Variants in ZNF254 observed in about 807,000 individuals in gnomAD.
ZNF254 encodes zinc finger protein 254, also known as CTD-2017D11.1.
A neutral mutation model predicts 12.4 loss-of-function variants in ZNF254; 10 were observed. That is an observed-to-expected ratio of 0.80 (90% confidence interval 0.50 to 1.36). The LOEUF is 1.36. Among genes scored for constraint, ZNF254 ranks in the 40% most tolerant of loss-of-function variants. ZNF254 has a pLI of 0.00. For missense variants in ZNF254, 996 were observed against 763.9 expected, an observed-to-expected ratio of 1.30 and a Z score of -3.58; for synonymous variants, 305 against 253.4, an observed-to-expected ratio of 1.20 and a Z score of -1.93.
chr19:24,065,383 A>G (rs1245583934), intron 2 of ZNF254: 1 of 152,204 alleles, frequency 6.6e-6, no homozygotes, highest in African/African-American at 2.4e-5. Flanking sequence ...TTGCTGGTGC[A>G]TGCTGTCAGG....
chr19:24,091,881 A>ATT (rs111787297), intron 1 of ZNF254: 937 of 823,084 alleles, frequency 1.1e-3, no homozygotes, highest in Non-Finnish European at 1.3e-3. Flanking sequence ...TATGTGATTA[A>ATT]TTTTTTTTTT....
intron 1 of ZNF254, chr19:24,105,534 T>A (rs1973286256): frequency 4.5e-6 from 1 of 221,794 alleles, no homozygotes. Context: ...TCCAGTTTAT[T>A]GTACACGTTA....
intron 2 of ZNF254, among the ~76,000 whole-genome samples, chr19:24,057,969 T>G (rs1433535959): frequency 1.3e-5 from 2 of 152,214 alleles, no homozygotes; most frequent in Non-Finnish European, 2.9e-5. Flanking sequence ...AGCTGAGTAT[T>G]GTGATCTTCA....
chr19:24,127,054 T>A lies in ZNF254; in HGVS notation c.1054T>A (p.Cys352Ser), dbSNP rs1487822487. The A allele has an allele frequency of 8.1e-6, 13 of 1,613,510 alleles. No individual in the cohort carries two copies. The highest frequency in any genetic ancestry group is 9.3e-6 in the Non-Finnish European group (11 of 1,179,788). ...GCACACTGGAGAGAAACCCTACAAA[T>A]GTGAAGAATGTGGCAAAGCTTTTAG... ...RMHTGEKPYK[C>S]EECGKAFSQS... The change falls in exon 4 of 4, where the codon TGT becomes AGT. Residue 352 changes from cysteine to serine, a missense_variant. Transcript: ENST00000357002.
chr19:24,072,894 C>T (rs1488484733), intron 2 of ZNF254, among the ~76,000 whole-genome samples: 3 of 152,178 alleles, frequency 2.0e-5, no homozygotes, highest in Non-Finnish European at 4.4e-5. Context: ...TGATGTTACT[C>T]TCCTGTTTTC....
At chr19:24,071,001 C>T (rs375538435) in intron 2 of ZNF254, among the ~76,000 whole-genome samples, 15 of 152,110 alleles carry the variant, frequency 9.9e-5, no homozygotes, top group African/African-American at 1.7e-4. Context: ...TTTCTGAACC[C>T]GTCATCTATT....
At chr19:24,039,839 C>G (rs1389205205) in intron 1 of ZNF254, among the ~76,000 whole-genome samples, 1 of 152,166 alleles carries the variant, frequency 6.6e-6, no homozygotes, top group African/African-American at 2.4e-5. Flanking sequence ...TCTGATGTCA[C>G]CACCTGAAGG....
At chr19:24,121,723 A>T (rs1789348299) in intron 3 of ZNF254, among the ~76,000 whole-genome samples, 1 of 151,910 alleles carries the variant, frequency 6.6e-6, no homozygotes, top group Admixed American at 6.6e-5. Context: ...AAGCCTGGAT[A>T]ATTATTGTAT....
At chr19:24,119,750 C>A (rs1472788582) in intron 3 of ZNF254, among the ~76,000 whole-genome samples, 2 of 152,014 alleles carry the variant, frequency 1.3e-5, no homozygotes, top group Non-Finnish European at 2.9e-5. Context: ...TTTAACCTCC[C>A]AAAGTCCTGA....
intron 3 of ZNF254, among the ~76,000 whole-genome samples, chr19:24,117,023 G>A (rs536200582): frequency 6.6e-5 from 10 of 152,222 alleles, no homozygotes; most frequent in Admixed American, 3.3e-4. Context: ...TTCGTGAACC[G>A]CGAATACTGC....
At chr19:24,039,406 T>C (rs1315144411) in intron 1 of ZNF254, among the ~76,000 whole-genome samples, 1 of 146,800 alleles carries the variant, frequency 6.8e-6, no homozygotes, top group Admixed American at 6.8e-5. Context: ...CTGGAGAAAG[T>C]TTTTTTGTTG....
At chr19:24,116,601 A>G (rs925307311) in intron 3 of ZNF254, among the ~76,000 whole-genome samples, 1 of 149,484 alleles carries the variant, frequency 6.7e-6, no homozygotes. Context: ...ATTTGTCTAA[A>G]TTTTTTTCAA....
intron 3 of ZNF254, among the ~76,000 whole-genome samples, chr19:24,118,965 G>A (rs944340373): frequency 2.0e-5 from 3 of 151,822 alleles, no homozygotes; most frequent in Admixed American, 6.6e-5. Flanking sequence ...CAAAAAATTA[G>A]CCAGGCGTGG....
intron 2 of ZNF254, among the ~76,000 whole-genome samples, chr19:24,063,498 A>G (rs1478231107): frequency 6.6e-6 from 1 of 152,122 alleles, no homozygotes; most frequent in African/African-American, 2.4e-5. Context: ...TGCTGGGCCT[A>G]TGTTATGTTT....
At chr19:24,053,655 C>G (rs144941162) in intron 2 of ZNF254, among the ~76,000 whole-genome samples, 1 of 152,152 alleles carries the variant, frequency 6.6e-6, no homozygotes, top group Non-Finnish European at 1.5e-5. Context: ...GTGTGACTCT[C>G]CTGTGCTGCC....
At chr19:24,054,300 ACT>A (rs1192627061) in intron 2 of ZNF254, among the ~76,000 whole-genome samples, 2 of 151,966 alleles carry the variant, frequency 1.3e-5, no homozygotes, top group African/African-American at 4.8e-5. Context: ...AGGTGATGTA[ACT>A]CTCTTGCTAA....
intron 1 of ZNF254, among the ~76,000 whole-genome samples, chr19:24,037,796 A>T (rs764757459): frequency 3.9e-5 from 6 of 152,076 alleles, no homozygotes; most frequent in Non-Finnish European, 5.9e-5. Context: ...TTTCATAGAG[A>T]TGGGGTTTCT....
rs4932938 is a variant in ZNF254 at position 24,037,112 on chromosome 19, C to G, written c.-190+3491C>G. Among the ~76,000 whole-genome samples, 148 of 152,344 alleles carry G rather than the reference C, an allele frequency of 9.7e-4. 1 individual carries two copies. The highest frequency in any genetic ancestry group is 6.1e-3 in the Admixed American group (94 of 15,302). ...CACAGGAATATGTCAGAACATAACC[C>G]TGCCTGAATCAGTATCTGTAGCATA... is the stretch of plus-strand genomic sequence containing the variant. On this transcript the variant is annotated intron_variant, in intron 1 of 4. Transcript: ENST00000613065.
chr19:24,073,331 G>A (rs1274754307), intron 2 of ZNF254, among the ~76,000 whole-genome samples: 1 of 152,200 alleles, frequency 6.6e-6, no homozygotes, highest in Non-Finnish European at 1.5e-5. Flanking sequence ...CTCATAGGCA[G>A]GTGAAGAGTC....
Sources: gnomAD v4.1 joint callset for allele counts (sites outside exome capture counted in the v4.1 genomes callset) on GRCh38, gnomAD v4.1.1 for gene constraint, MANE v1.5 for transcripts, NCBI Gene and HGNC (gene_info 2026-07-23, HGNC 2026-07-21) for gene names.